CPNE4: variants seen among roughly 807,000 people sequenced by gnomAD.
The protein encoded by CPNE4 is copine 4, also known as copine-4.
In CPNE4, 25 loss-of-function variants were observed where a neutral mutation model predicts 67.9. The ratio of observed to expected loss-of-function variants is 0.37; its 90% CI spans 0.27 to 0.51. CPNE4 has a LOEUF of 0.51. CPNE4 is among the 20% of genes least tolerant of loss of function. CPNE4 has a pLI of 0.93. For synonymous variants in CPNE4, 242 were observed against 244.9 expected (o/e 0.99, Z 0.11); for missense variants, 464 against 690.8 (o/e 0.67, Z 3.68).
chr3:131,730,874 AG>A (rs1486541372), intron 2 of CPNE4, among the ~76,000 whole-genome samples: 26 of 152,146 alleles, frequency 1.7e-4, no homozygotes, highest in African/African-American at 6.3e-4. Flanking sequence ...AGAACTGTGA[AG>A]GAATAAATTT....
chr3:131,629,865 T>C (rs140248168), intron 7 of CPNE4, among the ~76,000 whole-genome samples: 1 of 152,326 alleles, frequency 6.6e-6, no homozygotes, highest in Non-Finnish European at 1.5e-5. Context: ...CTCTGAAGTA[T>C]GCCTGTAATA....
chr3:131,538,267 C>G (rs554266045), intron 15 of CPNE4, among the ~76,000 whole-genome samples: 17 of 152,316 alleles, frequency 1.1e-4, no homozygotes, highest in African/African-American at 3.4e-4. Flanking sequence ...TAAAGCAAGT[C>G]TGACTGAGGA....
chr3:132,029,163 A>T (rs2074184174), intron 1 of CPNE4, among the ~76,000 whole-genome samples: 2 of 152,172 alleles, frequency 1.3e-5, no homozygotes, highest in African/African-American at 4.8e-5. Context: ...AGTTCTTCTG[A>T]TAACAGGCCC....
intron 10 of CPNE4, among the ~76,000 whole-genome samples, chr3:131,572,555 G>A (rs1937391151): frequency 6.6e-6 from 1 of 152,086 alleles, no homozygotes; most frequent in African/African-American, 2.4e-5. Flanking sequence ...CTTGGGTGGT[G>A]CATCCAAGGA....
chr3:131,838,871 T>C (rs2085662260), intron 2 of CPNE4, among the ~76,000 whole-genome samples: 1 of 151,870 alleles, frequency 6.6e-6, no homozygotes, highest in African/African-American at 2.4e-5. Flanking sequence ...TTAGTAAATA[T>C]ATGTGATTTA....
chr3:131,541,104 C>T (rs1935456591), intron 15 of CPNE4, among the ~76,000 whole-genome samples: 1 of 152,140 alleles, frequency 6.6e-6, no homozygotes, highest in Non-Finnish European at 1.5e-5. Flanking sequence ...GGCATATGCT[C>T]TCCTCTTGGG....
At chr3:132,017,900 T>C (rs1326140739) in intron 1 of CPNE4, 1 of 152,318 alleles carries the variant, frequency 6.6e-6, no homozygotes, top group Non-Finnish European at 1.5e-5. Flanking sequence ...TCTTTGAGGA[T>C]ACTCATTGGC....
chr3:131,566,696 C>A (rs1937075174), intron 10 of CPNE4, among the ~76,000 whole-genome samples: 1 of 151,868 alleles, frequency 6.6e-6, no homozygotes, highest in Non-Finnish European at 1.5e-5. Flanking sequence ...CTGGGTTTAC[C>A]AAGCTCAACT....
intron 14 of CPNE4, among the ~76,000 whole-genome samples, chr3:131,546,703 A>G (rs1053026455): frequency 1.3e-5 from 2 of 152,270 alleles, no homozygotes; most frequent in East Asian, 1.9e-4. Context: ...ATGCTGTTCT[A>G]TATCAGCCTG....
chr3:131,727,208 G>A (rs1053406505), intron 2 of CPNE4, among the ~76,000 whole-genome samples: 5 of 152,190 alleles, frequency 3.3e-5, no homozygotes, highest in African/African-American at 1.2e-4. Context: ...CAATTCATGA[G>A]CATCCTTAGA....
At chr3:132,011,492 T>C (rs2073761117) in intron 1 of CPNE4, among the ~76,000 whole-genome samples, 1 of 152,184 alleles carries the variant, frequency 6.6e-6, no homozygotes, top group Non-Finnish European at 1.5e-5. Context: ...ACATAGCTGG[T>C]GGCCCAGAAA....
intron 2 of CPNE4, among the ~76,000 whole-genome samples, chr3:131,843,523 TAA>T (rs1263516466): frequency 3.9e-5 from 6 of 152,218 alleles, no homozygotes; most frequent in African/African-American, 1.4e-4. Flanking sequence ...GATACATTTT[TAA>T]AAGATGAAGT....
chr3:131,674,819 A>G (rs1016838828), intron 6 of CPNE4, among the ~76,000 whole-genome samples: 1 of 151,454 alleles, frequency 6.6e-6, no homozygotes, highest in Admixed American at 6.6e-5. Flanking sequence ...TTTATTTCTG[A>G]TATAATCATT....
chr3:131,773,956 T>C (rs1298738500), intron 2 of CPNE4, among the ~76,000 whole-genome samples: 1 of 152,178 alleles, frequency 6.6e-6, no homozygotes, highest in Non-Finnish European at 1.5e-5. Context: ...TTGCTGGACA[T>C]TTTCAGTGCC....
At chr3:131,794,464 C>T (rs570307246) in intron 2 of CPNE4, among the ~76,000 whole-genome samples, 3 of 151,916 alleles carry the variant, frequency 2.0e-5, no homozygotes, top group South Asian at 4.2e-4. Context: ...AGGATGGTGT[C>T]GATCTCTTGA....
intron 7 of CPNE4, among the ~76,000 whole-genome samples, chr3:131,648,004 A>G (rs1299105379): frequency 6.6e-6 from 1 of 151,908 alleles, no homozygotes; most frequent in Non-Finnish European, 1.5e-5. Flanking sequence ...TGACAATATC[A>G]TTTTTCTCCC....
chr3:131,656,162 T>A (rs1430993842), intron 7 of CPNE4, among the ~76,000 whole-genome samples: 1 of 151,996 alleles, frequency 6.6e-6, no homozygotes, highest in African/African-American at 2.4e-5. Flanking sequence ...TTCCTTTCCT[T>A]CTTCTAACTC....
Position 131,549,952 on chromosome 3 carries a change from C to T in CPNE4, c.1297G>A (p.Ala433Thr). The change falls in exon 14 of 16, where the codon GCA becomes ACA. Residue 433 changes from alanine (A) to threonine (T), a missense_variant. Ala to Thr is a moderately conservative substitution (Grantham distance 58). Coordinates refer to ENST00000429747, the MANE Select transcript of CPNE4 (RefSeq NM_130808.3). ...SASEETNTKE[A>T]SQYFILLILT... ...GCAAATAGCCCCCTCCTTACCGATG[C>T]CTCCTTGGTGTTAGTTTCCTCTGAC... is the stretch of plus-strand genomic sequence containing the variant. 1 of 1,612,950 alleles carries T rather than the reference C, an allele frequency of 6.2e-7. No individual in the cohort carries two copies. Among genetic ancestry groups the T allele is most frequent in the Non-Finnish European group, 8.5e-7 (1 of 1,179,286 alleles).
intron 5 of CPNE4, among the ~76,000 whole-genome samples, chr3:131,694,755 C>T (rs910095318): frequency 2.6e-5 from 4 of 152,192 alleles, no homozygotes; most frequent in Admixed American, 6.5e-5. Context: ...ATCTCATGTG[C>T]GAGGCATGTG....
Sources: gnomAD v4.1 joint callset for allele counts (sites outside exome capture counted in the v4.1 genomes callset) on GRCh38, gnomAD v4.1.1 for gene constraint, MANE v1.5 for transcripts, NCBI Gene and HGNC (gene_info 2026-07-23, HGNC 2026-07-21) for gene names.